The following AGK variants were observed in gnomAD, a reference collection of about 807,000 sequenced individuals.
The protein encoded by AGK is acylglycerol kinase, mitochondrial.
Under a neutral mutation model 66.4 loss-of-function variants are expected in AGK, and 52 were observed. The ratio of observed to expected loss-of-function variants is 0.78; its 90% CI spans 0.63 to 0.99. The LOEUF is 0.99. Among genes scored for constraint, AGK ranks in the 50% least tolerant of loss-of-function variants. AGK has a pLI of 0.00. For missense variants in AGK, 451 were observed against 506.6 expected (o/e 0.89, Z 1.05); for synonymous variants, 182 against 181.1 (o/e 1.00, Z -0.04).
chr7:141,588,460 A>G (rs528660194), intron 2 of AGK, among the ~76,000 whole-genome samples: 102 of 152,178 alleles, frequency 6.7e-4, no homozygotes, highest in Admixed American at 1.5e-3. Context: ...TGAAACCAAT[A>G]CAAAAATTAG....
At chr7:141,628,165 C>T (rs1796978570) in intron 9 of AGK, among the ~76,000 whole-genome samples, 1 of 152,222 alleles carries the variant, frequency 6.6e-6, no homozygotes, top group African/African-American at 2.4e-5. Context: ...CAGGCGTGAG[C>T]CACCGCACCT....
chr7:141,651,818 C>T (rs1030586364), intron 15 of AGK, among the ~76,000 whole-genome samples: 26 of 152,188 alleles, frequency 1.7e-4, no homozygotes, highest in African/African-American at 6.3e-4. Context: ...TAGAGTTGGA[C>T]TTCTGAAGAC....
chr7:141,568,776 A>T (rs1032284416), intron 2 of AGK, among the ~76,000 whole-genome samples: 6 of 151,828 alleles, frequency 4.0e-5, no homozygotes, highest in African/African-American at 1.2e-4. Flanking sequence ...GGGTTTCACC[A>T]TGTTGGCCAG....
chr7:141,628,417 A>C (rs1480371685), intron 9 of AGK, among the ~76,000 whole-genome samples: 1 of 152,194 alleles, frequency 6.6e-6, no homozygotes, highest in African/African-American at 2.4e-5. Flanking sequence ...ATTTCTGAAA[A>C]TTAATTTCAG....
chr7:141,588,105 A>C (rs999173808), intron 2 of AGK, among the ~76,000 whole-genome samples: 9 of 152,226 alleles, frequency 5.9e-5, no homozygotes, highest in Non-Finnish European at 1.0e-4. Context: ...ATAAATTGAA[A>C]AATTTAAATT....
At chr7:141,587,985 A>G (rs1321702470) in intron 2 of AGK, among the ~76,000 whole-genome samples, 1 of 152,182 alleles carries the variant, frequency 6.6e-6, no homozygotes, top group Non-Finnish European at 1.5e-5. Flanking sequence ...GGACCAAATC[A>G]TATTTGTGTG....
chr7:141,599,675 C>T (rs1479790505), intron 4 of AGK, among the ~76,000 whole-genome samples: 1 of 152,114 alleles, frequency 6.6e-6, no homozygotes, highest in Non-Finnish European at 1.5e-5. Context: ...TCCTATCAAT[C>T]TAGTAATGAA....
In AGK at chr7:141,652,940, C is replaced by G. The variant is rs780237378; in HGVS notation, c.*16C>G. ...CACCCAGTGAGCAGCAGAAGACAAG[C>G]ACTCTGAGACCACACTTTAGGCCAC... On this transcript the variant is annotated 3_prime_UTR_variant, in exon 16 of 16. Transcript: ENST00000649286. 2.5e-6 allele frequency: 4 copies of G among 1,613,322 alleles called. No individual in the cohort carries two copies. Among genetic ancestry groups the G allele is most frequent in the African/African-American group, 1.3e-5 (1 of 74,900 alleles).
At chr7:141,624,301 G>A (rs879323426) in intron 9 of AGK, among the ~76,000 whole-genome samples, 14 of 152,150 alleles carry the variant, frequency 9.2e-5, no homozygotes, top group Non-Finnish European at 1.8e-4. Flanking sequence ...AACAAAGTGA[G>A]ACCCCATCTA....
intron 8 of AGK, among the ~76,000 whole-genome samples, chr7:141,621,172 T>C (rs1185798456): frequency 1.3e-5 from 2 of 152,194 alleles, no homozygotes; most frequent in Non-Finnish European, 2.9e-5. Context: ...TTTTAACCTA[T>C]AGACTTTCCA....
intron 9 of AGK, among the ~76,000 whole-genome samples, chr7:141,624,233 T>C (rs531059023): frequency 4.9e-4 from 75 of 152,198 alleles, no homozygotes; most frequent in Non-Finnish European, 9.7e-4. Flanking sequence ...TCAAGTTTTA[T>C]TATTTAATAA....
chr7:141,599,205 G>A (rs1410150597), intron 4 of AGK: 1 of 152,006 alleles, frequency 6.6e-6, no homozygotes, highest in Non-Finnish European at 1.5e-5. Flanking sequence ...AATTTATCAT[G>A]TAGCTATTTC....
At chr7:141,622,109 GA>G (rs1359639831) in intron 9 of AGK, among the ~76,000 whole-genome samples, 26 of 102,794 alleles carry the variant, frequency 2.5e-4, no homozygotes, top group African/African-American at 9.8e-4. Flanking sequence ...TTTTTTTTTT[GA>G]GAAGGAGTCT....
At chr7:141,609,187 C>A (rs1796524987) in intron 5 of AGK, among the ~76,000 whole-genome samples, 1 of 152,110 alleles carries the variant, frequency 6.6e-6, no homozygotes, top group African/African-American at 2.4e-5. Flanking sequence ...TCTTTTCTTG[C>A]ACTAGTTGGA....
Position 141,582,624 on chromosome 7 carries a change from T to A in AGK, c.102-10522T>A, listed in dbSNP as rs140264969. 1.9e-3 allele frequency among the ~76,000 whole-genome samples: 290 copies of A among 152,092 alleles called. 3 individuals are homozygous for A. Among genetic ancestry groups the A allele is most frequent in the African/African-American group, 5.4e-3 (224 of 41,384 alleles). On this transcript the variant is annotated intron_variant, in intron 2 of 15. Coordinates refer to ENST00000649286, the MANE Select transcript of AGK (RefSeq NM_018238.4). ...CATGAACTGGACTGGGTTTTTTATATTTGATGAAAAAGAGCCTAAACGCTA... is the reference window on the plus strand; with the variant it reads ...CATGAACTGGACTGGGTTTTTTATAATTGATGAAAAAGAGCCTAAACGCTA...
rs545141301 is a variant in AGK, at chr7:141,578,460, G to A, written c.102-14686G>A. 3.3e-5 allele frequency among the ~76,000 whole-genome samples: 5 copies of A among 151,952 alleles called. No homozygotes were observed. In the East Asian group the frequency reaches 9.7e-4, roughly 29 times the overall value. ...CAGGGGATACGATGGCTTAGCTTGG[G>A]CTCAGAGGCCTGACATTCCTGCCTT... is the stretch of plus-strand genomic sequence containing the variant. On this transcript the variant is annotated intron_variant, in intron 2 of 15. Coordinates refer to ENST00000649286, the MANE Select transcript of AGK (RefSeq NM_018238.4).
chr7:141,615,854 T>G, intron 8 of AGK: 2 of 314,218 alleles, frequency 6.4e-6, no homozygotes, highest in South Asian at 1.1e-4. Context: ...GCTTGTACAT[T>G]GTAAGATTCT....
intron 2 of AGK, among the ~76,000 whole-genome samples, chr7:141,581,194 T>C (rs183578171): frequency 6.6e-6 from 1 of 151,904 alleles, no homozygotes; most frequent in South Asian, 2.1e-4. Context: ...CTGTGAAGTC[T>C]TGCGGCAGTA....
At chr7:141,621,588 A>G in intron 8 of AGK, 144 bp from the exon 9 acceptor site, 2 of 619,818 alleles carry the variant, frequency 3.2e-6, no homozygotes, top group East Asian at 3.0e-5. Context: ...GAGAGAGGGA[A>G]GGAGGGGGAG....
Sources: allele counts gnomAD v4.1 joint callset (sites outside exome capture counted in the v4.1 genomes callset), GRCh38; gene constraint gnomAD v4.1.1; transcripts MANE v1.5; gene names NCBI Gene and HGNC (gene_info 2026-07-23, HGNC 2026-07-21).